NGEF: variants seen among roughly 807,000 people sequenced by gnomAD.
NGEF encodes neuronal guanine nucleotide exchange factor.
NGEF carries 31 observed loss-of-function variants against 80.9 expected under a neutral mutation model. That is an observed-to-expected ratio of 0.38 (90% CI 0.29 to 0.52). The LOEUF is 0.52. Among genes scored for constraint, NGEF ranks in the 20% least tolerant of loss-of-function variants. NGEF has a pLI of 0.84. For synonymous variants in NGEF, 371 were observed against 370.2 expected, an observed-to-expected ratio of 1.00 and a Z score of -0.03; for missense variants, 709 against 926.2, an observed-to-expected ratio of 0.77 and a Z score of 3.04.
intron 3 of NGEF, among the ~76,000 whole-genome samples, chr2:232,946,879 C>T (rs939172709): frequency 1.3e-5 from 2 of 152,060 alleles, no homozygotes; most frequent in African/African-American, 4.8e-5. Flanking sequence ...ATTAAAAATA[C>T]AATGACCATG....
intron 5 of NGEF, among the ~76,000 whole-genome samples, chr2:232,907,158 T>A (rs1285591113): frequency 8.6e-5 from 4 of 46,262 alleles, no homozygotes; most frequent in Non-Finnish European, 1.4e-4. Flanking sequence ...GAATGATCAA[T>A]TAAAAAAAAA....
intron 3 of NGEF, chr2:232,927,895 G>T: frequency 7.7e-7 from 1 of 1,302,482 alleles, no homozygotes; most frequent in Non-Finnish European, 9.7e-7. Flanking sequence ...GTCCTCACCT[G>T]CCGGGCAGGT....
intron 1 of NGEF, among the ~76,000 whole-genome samples, chr2:232,979,476 G>A (rs528150048): frequency 3.9e-5 from 6 of 152,174 alleles, no homozygotes; most frequent in African/African-American, 7.2e-5. Flanking sequence ...TGTGCTCTGC[G>A]TCTGGAATCT....
rs138425628 is a variant in NGEF, at chr2:232,980,020, G to A, written c.-74-5056C>T. 1.6e-3 allele frequency among the ~76,000 whole-genome samples: 240 copies of A among 152,244 alleles called. 5 individuals are homozygous for A. In the East Asian group the frequency reaches 0.041, roughly 26 times the overall value. On this transcript the variant is annotated intron_variant, in intron 1 of 14. Transcript: ENST00000264051. The stretch of plus-strand genomic sequence containing the variant: ...AGGTCGCATGGCTGGCAAATGGTGC[G>A]GCAGGGGTCACACTACAGCTATCTG...
intron 10 of NGEF, among the ~76,000 whole-genome samples, 172 bp from the exon 11 acceptor site, chr2:232,884,316 CTGTG>C (rs148425185): frequency 8.6e-5 from 13 of 151,242 alleles, no homozygotes; most frequent in Admixed American, 2.6e-4. Context: ...GATGGCAGGG[CTGTG>C]TGTGTGTGTG....
At chr2:232,988,300 C>T (rs1187065846) in intron 1 of NGEF, among the ~76,000 whole-genome samples, 5 of 152,144 alleles carry the variant, frequency 3.3e-5, no homozygotes, top group East Asian at 1.9e-4. Flanking sequence ...AAAATTGTAA[C>T]GTGGCTGAAA....
intron 1 of NGEF, among the ~76,000 whole-genome samples, chr2:233,004,485 G>T (rs1695047222): frequency 6.6e-6 from 1 of 152,234 alleles, no homozygotes; most frequent in Non-Finnish European, 1.5e-5. Flanking sequence ...CCTGGAATCT[G>T]CTCTGCCCTC....
At chr2:232,974,435 A>G (rs914408978) in intron 2 of NGEF, among the ~76,000 whole-genome samples, 188 bp downstream of exon 2, 5 of 152,336 alleles carry the variant, frequency 3.3e-5, no homozygotes, top group East Asian at 1.9e-4. Context: ...TCTCCTAAGT[A>G]CACACGTCAT....
intron 1 of NGEF, among the ~76,000 whole-genome samples, chr2:232,992,254 C>T (rs1286345596): frequency 6.6e-6 from 1 of 152,080 alleles, no homozygotes; most frequent in East Asian, 1.9e-4. Context: ...CTTCCAAGTG[C>T]ACCACCAAGA....
intron 1 of NGEF, among the ~76,000 whole-genome samples, chr2:232,976,094 G>C (rs567348903): frequency 3.3e-5 from 5 of 152,176 alleles, no homozygotes; most frequent in African/African-American, 1.2e-4. Context: ...CCAGCTTCTC[G>C]GGAGGCTGAG....
At chr2:232,948,412 T>G (rs1394215686) in intron 3 of NGEF, among the ~76,000 whole-genome samples, 1 of 152,126 alleles carries the variant, frequency 6.6e-6, no homozygotes, top group Non-Finnish European at 1.5e-5. Context: ...ATAATGGCAC[T>G]GTGGTTATAT....
chr2:232,932,949 CAA>C (rs34758709), intron 3 of NGEF, among the ~76,000 whole-genome samples: 17 of 150,554 alleles, frequency 1.1e-4, no homozygotes, highest in African/African-American at 3.2e-4. Flanking sequence ...ACTAAAAATA[CAA>C]AAAAAAAATT....
At chr2:232,993,190 ATTT>A (rs1694704353) in intron 1 of NGEF, among the ~76,000 whole-genome samples, 2 of 134,208 alleles carry the variant, frequency 1.5e-5, no homozygotes, top group African/African-American at 5.7e-5. Context: ...AAATATATAT[ATTT>A]ATTTATATAT....
chr2:232,959,133 A>G (rs1693893067), intron 3 of NGEF, among the ~76,000 whole-genome samples: 1 of 152,120 alleles, frequency 6.6e-6, no homozygotes, highest in Non-Finnish European at 1.5e-5. Flanking sequence ...ATCCATTGAT[A>G]TTTCTTCAGT....
chr2:232,968,869 T>C (rs1164798786), intron 3 of NGEF, among the ~76,000 whole-genome samples: 1 of 152,122 alleles, frequency 6.6e-6, no homozygotes, highest in African/African-American at 2.4e-5. Context: ...CGCCCTTCCC[T>C]GGCTGGCTTT....
intron 3 of NGEF, among the ~76,000 whole-genome samples, chr2:232,934,087 C>G (rs939734903): frequency 6.6e-6 from 1 of 151,974 alleles, no homozygotes; most frequent in Non-Finnish European, 1.5e-5. Flanking sequence ...AGTAAAAATA[C>G]GAAAATTAGC....
At chr2:232,903,257 C>T (rs1399367507) in intron 5 of NGEF, among the ~76,000 whole-genome samples, 3 of 152,222 alleles carry the variant, frequency 2.0e-5, no homozygotes, top group African/African-American at 4.8e-5. Context: ...GCAATGAACA[C>T]TCTCAGTACC....
chr2:232,963,172 A>G (rs1444415751), intron 3 of NGEF, among the ~76,000 whole-genome samples: 1 of 152,138 alleles, frequency 6.6e-6, no homozygotes, highest in South Asian at 2.1e-4. Flanking sequence ...AGTATTTAAG[A>G]CACTATGGTA....
intron 1 of NGEF, among the ~76,000 whole-genome samples, chr2:232,993,231 T>TAAATAA (rs1694710004): frequency 1.9e-4 from 9 of 46,344 alleles, no homozygotes; most frequent in East Asian, 3.2e-3. Flanking sequence ...TACACACATA[T>TAAATAA]ATATGTATAT....
Sources: gnomAD v4.1 joint callset for allele counts (sites outside exome capture counted in the v4.1 genomes callset) on GRCh38, gnomAD v4.1.1 for gene constraint, MANE v1.5 for transcripts, NCBI Gene and HGNC (gene_info 2026-07-23, HGNC 2026-07-21) for gene names.